The following BNIP5 variants were observed in gnomAD, a reference collection of about 807,000 sequenced individuals.
BNIP5 encodes protein BNIP5.
BNIP5 carries 61 observed loss-of-function variants against 67.3 expected under a neutral mutation model. That is an observed-to-expected ratio of 0.91 (90% CI 0.74 to 1.12). The LOEUF (loss-of-function observed/expected upper bound fraction) is 1.12, where lower values mean the gene tolerates loss of function less well. BNIP5 is among the 50% of genes most tolerant of loss of function. The probability of loss-of-function intolerance (pLI) is 0.00; values close to 1 mark genes in which losing one functional copy is unlikely to be tolerated. For synonymous variants in BNIP5, 317 were observed against 319.0 expected (o/e 0.99, Z 0.07); for missense variants, 826 against 816.3 (o/e 1.01, Z -0.14).
At chr6:36,326,475 G>T in intron 5 of BNIP5, 35 bp downstream of exon 5, 1 of 1,612,032 alleles carries the variant, frequency 6.2e-7, no homozygotes, top group South Asian at 1.1e-5. Flanking sequence ...GGAGGCAGCT[G>T]CAGGGTTGCT....
intron 11 of BNIP5, among the ~76,000 whole-genome samples, chr6:36,318,772 C>A (rs905583292): frequency 2.0e-5 from 3 of 151,972 alleles, no homozygotes; most frequent in African/African-American, 7.3e-5. Flanking sequence ...ATCTCAGAGA[C>A]TTGGGGGAGG....
chr6:36,330,276 C>A lies in BNIP5; in HGVS notation c.415G>T (p.Ala139Ser). ...ISQHPEPLEA[A>S]GEPALRKKAH... ...TTCTTCCTGAGGGCTGGCTCCCCTG[C>A]TGCTTCCAGGGGCTCCGGATGCTGG... Residue 139 changes from alanine (A) to serine (S), a missense_variant, in exon 2 of 12, where the codon GCA becomes TCA. Ala to Ser is a moderately conservative substitution (Grantham distance 99). Transcript: ENST00000437635. 6.2e-7 allele frequency: 1 copy of A among 1,614,224 alleles called. No individual in the cohort carries two copies. The highest frequency in any genetic ancestry group is 8.5e-7 in the Non-Finnish European group (1 of 1,180,034).
chr6:36,322,310 C>G lies in BNIP5; in HGVS notation c.1603+1G>C. On this transcript the variant is annotated splice_donor_variant, in intron 9 of 11. Transcript: ENST00000437635. LOFTEE classifies it high-confidence loss of function. Reference sequence around the variant, plus strand: ...CAGGTAAGAGCAGGGGTGTTACTGACTAGATTCACATGCTCCACTCAGCTG... The same window carrying G: ...CAGGTAAGAGCAGGGGTGTTACTGAGTAGATTCACATGCTCCACTCAGCTG... The G allele has an allele frequency of 6.2e-7, 1 of 1,614,108 alleles. No homozygotes were observed. The highest frequency in any genetic ancestry group is 8.5e-7 in the Non-Finnish European group (1 of 1,179,986).
intron 3 of BNIP5, among the ~76,000 whole-genome samples, chr6:36,327,555 A>G (rs552209670): frequency 1.3e-5 from 2 of 152,290 alleles, no homozygotes; most frequent in South Asian, 4.1e-4. Flanking sequence ...CAACCTGCAA[A>G]ATTCCAGTGG....
At chr6:36,328,827 A>G in intron 2 of BNIP5, 113 bp from the exon 3 acceptor site, 6 of 746,952 alleles carry the variant, frequency 8.0e-6, no homozygotes, top group Admixed American at 3.7e-5. Context: ...TCACAGTGCA[A>G]CAGGTGCTGC....
chr6:36,327,669 T>C (rs1016672846), intron 3 of BNIP5, among the ~76,000 whole-genome samples: 1 of 152,148 alleles, frequency 6.6e-6, no homozygotes, highest in African/African-American at 2.4e-5. Flanking sequence ...CACACCCCCA[T>C]GTCTGCACGG....
At chr6:36,325,561 G>T in intron 5 of BNIP5, 147 bp from the exon 6 acceptor site, 1 of 1,003,078 alleles carries the variant, frequency 1.0e-6, no homozygotes, top group African/African-American at 1.6e-5. Flanking sequence ...GGGCAGGGCT[G>T]TGCCTCTGAT....
intron 2 of BNIP5, among the ~76,000 whole-genome samples, chr6:36,329,363 G>C (rs1561885592): frequency 6.6e-6 from 1 of 152,240 alleles, no homozygotes; most frequent in Non-Finnish European, 1.5e-5. Flanking sequence ...CACTCCATGA[G>C]ACAGTAACGT....
intron 1 of BNIP5, among the ~76,000 whole-genome samples, 163 bp downstream of exon 1, chr6:36,336,549 C>G: frequency 6.6e-6 from 1 of 152,120 alleles, no homozygotes; most frequent in East Asian, 1.9e-4. Context: ...GAAAACTGAT[C>G]CCCCACCTCC....
At chr6:36,329,293 A>G (rs1424741842) in intron 2 of BNIP5, among the ~76,000 whole-genome samples, 2 of 152,198 alleles carry the variant, frequency 1.3e-5, no homozygotes, top group African/African-American at 2.4e-5. Flanking sequence ...TGCTCCTAAA[A>G]CTATAGGAGT....
At chr6:36,331,048 G>A (rs1186567954) in intron 1 of BNIP5, among the ~76,000 whole-genome samples, 1 of 152,216 alleles carries the variant, frequency 6.6e-6, no homozygotes, top group Non-Finnish European at 1.5e-5. Context: ...ACAGGCATGA[G>A]CCACCTCGCC....
chr6:36,324,071 A>G (rs907766417), intron 7 of BNIP5, 58 bp downstream of exon 7: 6 of 1,289,274 alleles, frequency 4.7e-6, no homozygotes, highest in Non-Finnish European at 6.8e-6. Context: ...TTGTTACACC[A>G]GGCAGGGTTG....
intron 11 of BNIP5, 150 bp downstream of exon 11, chr6:36,319,206 C>T (rs1056867661): frequency 3.1e-5 from 24 of 783,360 alleles, no homozygotes; most frequent in African/African-American, 8.6e-5. Flanking sequence ...CTCAGAAGGC[C>T]TCAGTGAGGA....
Position 36,319,497 on chromosome 6 carries a change from C to T in BNIP5, c.1782G>A (p.Arg594=). 6.2e-7 allele frequency: 1 copy of T among 1,614,182 alleles called. No homozygotes were observed. Among genetic ancestry groups the T allele is most frequent in the Admixed American group, 1.7e-5 (1 of 60,030 alleles). ...SQVAHSSKLD[R]NRARRLYQFD... is the part of the protein sequence containing the mutation. ...ACTGGTAGAGTCTCCTGGCGCGGTT[C>T]CTGTCCAGCTTAGAGGAGTGAGCCA... Residue 594 remains arginine (R), a synonymous_variant, in exon 11 of 12, where the codon AGG becomes AGA. Transcript: ENST00000437635.
Position 36,316,715 on chromosome 6 carries a change from G to T in BNIP5, c.*641C>A. On this transcript the variant is annotated 3_prime_UTR_variant, in exon 12 of 12. Transcript: ENST00000437635. The stretch of plus-strand genomic sequence containing the variant: ...GCCAATCCCATGAGATGGGAGAGGT[G>T]CAAGGTATCAGCTCCATTTCTCTAG... 5.0e-6 allele frequency: 2 copies of T among 398,724 alleles called. No homozygotes were observed. Among genetic ancestry groups the T allele is most frequent in the Non-Finnish European group, 8.8e-6 (2 of 226,158 alleles). 24.7% of individuals were successfully genotyped at this position (398,724 alleles called of 1,614,324 possible).
At position 36,316,661 on chromosome 6, in the gene BNIP5, C is replaced by G. The variant is rs1771521841; in HGVS notation, c.*695G>C. On this transcript the variant is annotated 3_prime_UTR_variant, in exon 12 of 12. Transcript: ENST00000437635. ...ATGGCACTAGGTAATTTTCAGAACT[C>G]TTCACATCCATTTTCTCACTGACTC... The G allele has an allele frequency of 2.5e-6, 1 of 398,670 alleles. No homozygotes were observed. The highest frequency in any genetic ancestry group is 4.4e-5 in the Admixed American group (1 of 22,746). 24.7% of individuals were successfully genotyped at this position (398,670 alleles called of 1,614,324 possible).
chr6:36,322,365 C>G lies in BNIP5; in HGVS notation c.1549G>C (p.Ala517Pro). ...GCCCCTTCTGGCGTGTGGCCTCTAGCCTGGGAGGGTGCTTCTGAGATCACA... is the reference window on the plus strand; with the variant it reads ...GCCCCTTCTGGCGTGTGGCCTCTAGGCTGGGAGGGTGCTTCTGAGATCACA... The part of the protein sequence containing the change: ...PVVISEAPSQ[A>P]RGHTPEGAPQ... Residue 517 changes from alanine (A) to proline (P), a missense_variant, in exon 9 of 12, where the codon GCT becomes CCT. Coordinates refer to ENST00000437635, the MANE Select transcript of BNIP5 (RefSeq NM_001010903.5). 1.2e-6 allele frequency: 2 copies of G among 1,614,138 alleles called. No individual in the cohort carries two copies. The highest frequency in any genetic ancestry group is 1.7e-6 in the Non-Finnish European group (2 of 1,180,008).
chr6:36,321,090 G>T, intron 10 of BNIP5, 65 bp downstream of exon 10: 2 of 811,816 alleles, frequency 2.5e-6, no homozygotes, highest in Non-Finnish European at 3.8e-6. Context: ...GCAGACTTGG[G>T]GATGGAACCC....
intron 11 of BNIP5, among the ~76,000 whole-genome samples, chr6:36,318,403 A>G (rs1295902544): frequency 6.6e-6 from 1 of 152,044 alleles, no homozygotes; most frequent in Non-Finnish European, 1.5e-5. Flanking sequence ...AAAATATGAG[A>G]GCTCAGAATT....
Sources: gnomAD v4.1 joint callset for allele counts (sites outside exome capture counted in the v4.1 genomes callset) on GRCh38, gnomAD v4.1.1 for gene constraint, MANE v1.5 for transcripts, NCBI Gene and HGNC (gene_info 2026-07-23, HGNC 2026-07-21) for gene names.